ARID5B: variants seen among roughly 807,000 people sequenced by gnomAD.
The protein encoded by ARID5B is AT-rich interaction domain 5B.
Under a neutral mutation model 97.2 loss-of-function variants are expected in ARID5B, and 13 were observed. The observed-to-expected ratio is 0.13, with a 90% CI of 0.09 to 0.21. The LOEUF (loss-of-function observed/expected upper bound fraction) is 0.21. ARID5B is among the 10% of genes least tolerant of loss of function. The pLI, the probability that ARID5B is intolerant of heterozygous loss-of-function variation, is 1.00. For synonymous variants in ARID5B, 556 were observed against 570.3 expected (o/e 0.97, Z 0.36); for missense variants, 1,210 against 1,465.3 (o/e 0.83, Z 2.84).
chr10:62,033,689 A>G (rs560518058), intron 4 of ARID5B, among the ~76,000 whole-genome samples: 8 of 152,194 alleles, frequency 5.3e-5, no homozygotes, highest in Non-Finnish European at 8.8e-5. Context: ...GTCCGTGCAT[A>G]TAATAGTGAT....
intron 2 of ARID5B, among the ~76,000 whole-genome samples, chr10:61,934,559 G>A (rs1339363301): frequency 6.6e-6 from 1 of 152,136 alleles, no homozygotes; most frequent in Non-Finnish European, 1.5e-5. Flanking sequence ...GCCCATTATT[G>A]TTAAGTCTTA....
At chr10:61,972,095 A>C (rs1838635478) in intron 3 of ARID5B, among the ~76,000 whole-genome samples, 1 of 152,162 alleles carries the variant, frequency 6.6e-6, no homozygotes, top group South Asian at 2.1e-4. Context: ...AGAAAGAAAA[A>C]AATTATCCAG....
intron 3 of ARID5B, among the ~76,000 whole-genome samples, chr10:61,987,401 T>C (rs1275328124): frequency 6.6e-6 from 1 of 152,222 alleles, no homozygotes; most frequent in African/African-American, 2.4e-5. Context: ...GCTCCTGCCC[T>C]TCAAAGAACC....
intron 8 of ARID5B, among the ~76,000 whole-genome samples, chr10:62,070,051 TC>T (rs777552778): frequency 4.7e-4 from 71 of 150,058 alleles, no homozygotes; most frequent in East Asian, 5.9e-4. Flanking sequence ...TTTTTTTTTT[TC>T]CCCACAAGCA....
intron 7 of ARID5B, among the ~76,000 whole-genome samples, chr10:62,062,060 G>A (rs1016394229): frequency 6.6e-6 from 1 of 152,056 alleles, no homozygotes; most frequent in Non-Finnish European, 1.5e-5. Flanking sequence ...CTACATTTAA[G>A]CTTCTGAACC....
intron 4 of ARID5B, among the ~76,000 whole-genome samples, chr10:62,043,238 A>T (rs1012119567): frequency 6.6e-6 from 1 of 152,212 alleles, no homozygotes; most frequent in African/African-American, 2.4e-5. Context: ...TTAGAGAGTC[A>T]ATCCTCTGAA....
At chr10:61,989,030 A>C (rs1423172000) in intron 3 of ARID5B, among the ~76,000 whole-genome samples, 1 of 144,468 alleles carries the variant, frequency 6.9e-6, no homozygotes, top group Non-Finnish European at 1.5e-5. Flanking sequence ...CCTGGGTTTA[A>C]GTGATTCTCC....
chr10:61,930,971 A>G (rs1844200481), intron 2 of ARID5B, among the ~76,000 whole-genome samples: 1 of 152,204 alleles, frequency 6.6e-6, no homozygotes, highest in Admixed American at 6.5e-5. Context: ...TGAAACTGGC[A>G]GGTGAACTTG....
At chr10:62,087,069 G>C (rs913712421) in intron 9 of ARID5B, among the ~76,000 whole-genome samples, 26 of 152,072 alleles carry the variant, frequency 1.7e-4, no homozygotes, top group Non-Finnish European at 2.9e-4. Flanking sequence ...GGGAGGCCGA[G>C]GCGGTGGATC....
intron 4 of ARID5B, among the ~76,000 whole-genome samples, chr10:62,038,389 GA>G (rs919693238): frequency 1.3e-5 from 2 of 149,358 alleles, no homozygotes; most frequent in African/African-American, 4.9e-5. Flanking sequence ...AAAAAGAAAA[GA>G]AAAAAAGCCA....
In ARID5B at chr10:62,092,014, G is replaced by C; in HGVS notation, c.2551G>C (p.Glu851Gln). 6.2e-7 allele frequency: 1 copy of C among 1,613,978 alleles called. No individual in the cohort carries two copies. The highest frequency in any genetic ancestry group is 8.5e-7 in the Non-Finnish European group (1 of 1,179,992). ...YRHTEHHLHN[E>Q]QTSKYPSRDM... ...ACACACCGAGCACCATCTTCATAAT[G>C]AACAGACATCCAAATACCCTTCCAG... The change falls in exon 10 of 10, where the codon GAA (glutamate) becomes CAA (glutamine). Residue 851 changes from glutamate to glutamine, a missense_variant. Glu to Gln is a conservative substitution (Grantham distance 29). This residue lies in a region of ARID5B where 800 missense variants were observed against 839.1 expected (regional missense o/e 0.95). Coordinates refer to ENST00000279873, the MANE Select transcript of ARID5B (RefSeq NM_032199.3).
In ARID5B at chr10:62,066,686, T is replaced by C. The variant is rs530226152; in HGVS notation, c.1102-3014T>C. On this transcript the variant is annotated intron_variant, in intron 7 of 9. Coordinates refer to ENST00000279873, the MANE Select transcript of ARID5B (RefSeq NM_032199.3). ...TGAGATAGATTATTTTTCCCTCCTG[T>C]GATAATGCATTATTTATTCCTAAAG... Among the ~76,000 whole-genome samples the C allele has an allele frequency of 2.6e-5, 4 of 152,284 alleles. No individual in the cohort carries two copies. In the East Asian group the frequency reaches 7.7e-4, roughly 29 times the overall value.
At chr10:62,090,290 A>G (rs2393727) in intron 9 of ARID5B, among the ~76,000 whole-genome samples, 130,940 of 152,198 alleles carry the variant, frequency 0.86, 56,469 homozygotes, top group Middle Eastern at 0.95. Flanking sequence ...TTATCTGCAT[A>G]TCATCTGGCC....
intron 2 of ARID5B, among the ~76,000 whole-genome samples, chr10:61,914,112 A>G (rs1396338387): frequency 6.6e-6 from 1 of 152,226 alleles, no homozygotes; most frequent in African/African-American, 2.4e-5. Context: ...ATTGATATCC[A>G]GGATCCCAGA....
chr10:62,087,359 T>C (rs1252867556), intron 9 of ARID5B, among the ~76,000 whole-genome samples: 1 of 149,100 alleles, frequency 6.7e-6, no homozygotes, highest in Non-Finnish European at 1.5e-5. Context: ...TAGGGGAATT[T>C]TGAAATGGTT....
rs763591068 is a variant in ARID5B at position 62,092,143 on chromosome 10, T to G, written c.2680T>G (p.Ser894Ala). 3 of 1,607,528 alleles carry G rather than the reference T, an allele frequency of 1.9e-6. No homozygotes were observed. Among genetic ancestry groups the G allele is most frequent in the East Asian group, 4.5e-5 (2 of 44,838 alleles). Residue 894 changes from serine (S) to alanine (A), a missense_variant, in exon 10 of 10, where the codon TCG becomes GCG. Coordinates refer to ENST00000279873, the MANE Select transcript of ARID5B (RefSeq NM_032199.3). ...GTCCCTGCACCTGCAAGACAAAAAG[T>G]CGGCGGCAGCAGAAGCCCCTACGGA... ...LTSLHLQDKK[S>A]AAAEAPTDDQ... is the part of the protein sequence containing the mutation.
intron 3 of ARID5B, among the ~76,000 whole-genome samples, chr10:61,960,807 C>T (rs912487125): frequency 1.3e-5 from 2 of 152,186 alleles, no homozygotes; most frequent in African/African-American, 4.8e-5. Context: ...GATGATTAGA[C>T]CTTAAATCTT....
At chr10:61,929,941 A>G (rs1844173836) in intron 2 of ARID5B, among the ~76,000 whole-genome samples, 1 of 152,238 alleles carries the variant, frequency 6.6e-6, no homozygotes, top group Non-Finnish European at 1.5e-5. Context: ...TTTTCTTACA[A>G]GTAAGTCAAA....
chr10:61,901,818 C>T (rs1843619657), intron 1 of ARID5B, 88 bp downstream of exon 1: 1 of 1,062,278 alleles, frequency 9.4e-7, no homozygotes, highest in Non-Finnish European at 1.4e-6. Context: ...CACCCACCCA[C>T]ACCCCCCACA....
Sources: gnomAD v4.1 joint callset for allele counts (sites outside exome capture counted in the v4.1 genomes callset) on GRCh38, gnomAD v4.1.1 for gene constraint, gnomAD v4.1.1 regional missense constraint, MANE v1.5 for transcripts, NCBI Gene and HGNC (gene_info 2026-07-23, HGNC 2026-07-21) for gene names.